PHACTR1: variants seen among roughly 807,000 people sequenced by gnomAD.
PHACTR1 encodes phosphatase and actin regulator 1.
Under a neutral mutation model 69.2 loss-of-function variants are expected in PHACTR1, and 16 were observed. That is an observed-to-expected ratio of 0.23 (90% CI 0.16 to 0.35). The LOEUF is 0.35. PHACTR1 is among the 10% of genes least tolerant of loss of function. PHACTR1 has a pLI of 1.00. For synonymous variants in PHACTR1, 312 were observed against 284.5 expected (o/e 1.10, Z -0.97); for missense variants, 510 against 734.7 (o/e 0.69, Z 3.54).
intron 5 of PHACTR1, among the ~76,000 whole-genome samples, chr6:13,143,572 C>T (rs1178210323): frequency 6.6e-6 from 1 of 152,162 alleles, no homozygotes; most frequent in African/African-American, 2.4e-5. Flanking sequence ...AATGTTTTTA[C>T]ATTTTCAATT....
Position 12,919,169 on chromosome 6 carries a change from G to A in PHACTR1, c.251-134196G>A, listed in dbSNP as rs562427611. ...TTTTATTTTTATTTTTTGAGATGGA[G>A]TCTCACTCTATTGCCCAGGCTGGAG... On this transcript the variant is annotated intron_variant, in intron 4 of 14. Transcript: ENST00000332995. 2.0e-5 allele frequency among the ~76,000 whole-genome samples: 3 copies of A among 152,044 alleles called. No homozygotes were observed. The South Asian group carries it at 6.2e-4, about 32-fold the overall frequency.
rs545698255 is a variant in PHACTR1 at position 13,086,063 on chromosome 6, A to C, written c.415+32534A>C. On this transcript the variant is annotated intron_variant, in intron 5 of 14. Coordinates refer to ENST00000332995, the MANE Select transcript of PHACTR1 (RefSeq NM_030948.6). Reference sequence around the variant, plus strand: ...ATCTAGGCAAAGTAATTGCCTAAAAATAAAGAAGATACACATTTCTAAAAA... The same window carrying C: ...ATCTAGGCAAAGTAATTGCCTAAAACTAAAGAAGATACACATTTCTAAAAA... Among the ~76,000 whole-genome samples the C allele has an allele frequency of 5.0e-4, 75 of 150,234 alleles. 1 individual carries two copies. The highest frequency in any genetic ancestry group is 4.9e-3 in the Admixed American group (74 of 15,056).
intron 5 of PHACTR1, among the ~76,000 whole-genome samples, chr6:13,070,291 A>G (rs1044160855): frequency 1.3e-5 from 2 of 152,032 alleles, no homozygotes; most frequent in African/African-American, 4.8e-5. Flanking sequence ...ACTTTTATTC[A>G]CTAAAAACTT....
rs568921885 is a variant in PHACTR1, at chr6:12,769,379, C to T, written c.250+19589C>T. 2.6e-5 allele frequency among the ~76,000 whole-genome samples: 4 copies of T among 152,166 alleles called. No homozygotes were observed. The East Asian group carries it at 5.8e-4, about 22-fold the overall frequency. ...TTTAAATGTTAAATTAAAACATTTT[C>T]ACCTTCTTTCTCTTTTTGAAAAAGG... On this transcript the variant is annotated intron_variant, in intron 4 of 14. Coordinates refer to ENST00000332995, the MANE Select transcript of PHACTR1 (RefSeq NM_030948.6).
At chr6:13,026,107 A>C (rs1029246794) in intron 4 of PHACTR1, among the ~76,000 whole-genome samples, 1 of 152,228 alleles carries the variant, frequency 6.6e-6, no homozygotes, top group Admixed American at 6.5e-5. Context: ...AAATGGTACA[A>C]ATTTGCTTTG....
chr6:12,958,075 GTTTA>G, intron 4 of PHACTR1: 1 of 944,046 alleles, frequency 1.1e-6, no homozygotes, highest in Non-Finnish European at 1.3e-6. Context: ...ATTGCCTTTT[GTTTA>G]TTTGTTAGAT....
intron 4 of PHACTR1, among the ~76,000 whole-genome samples, chr6:12,845,842 C>T (rs1448213583): frequency 6.6e-6 from 1 of 152,170 alleles, no homozygotes; most frequent in Non-Finnish European, 1.5e-5. Context: ...GTAACTTTGA[C>T]TTCTTTGTTT....
At chr6:12,921,896 T>C (rs944127150) in intron 4 of PHACTR1, among the ~76,000 whole-genome samples, 1 of 151,322 alleles carries the variant, frequency 6.6e-6, no homozygotes, top group African/African-American at 2.4e-5. Flanking sequence ...GTATTGCATC[T>C]CAGTGTTGTC....
intron 4 of PHACTR1, among the ~76,000 whole-genome samples, chr6:12,921,972 C>A (rs940619865): frequency 1.3e-5 from 2 of 152,228 alleles, no homozygotes; most frequent in Admixed American, 6.5e-5. Context: ...TTCTCCACAT[C>A]TGCAAATAAG....
intron 4 of PHACTR1, among the ~76,000 whole-genome samples, chr6:12,810,065 C>A (rs996301095): frequency 1.3e-5 from 2 of 152,150 alleles, no homozygotes; most frequent in African/African-American, 4.8e-5. Context: ...GTTACATTTG[C>A]TTCCCAACAA....
At chr6:13,208,362 C>T (rs953251368) in intron 8 of PHACTR1, among the ~76,000 whole-genome samples, 3 of 152,154 alleles carry the variant, frequency 2.0e-5, no homozygotes, top group Non-Finnish European at 2.9e-5. Context: ...AATTTCATGT[C>T]TGTTGAATCT....
intron 4 of PHACTR1, among the ~76,000 whole-genome samples, chr6:13,032,644 G>T (rs1214685423): frequency 2.0e-5 from 3 of 151,688 alleles, no homozygotes; most frequent in African/African-American, 7.3e-5. Context: ...TTGACATGGG[G>T]TCTAGCTCTG....
intron 4 of PHACTR1, among the ~76,000 whole-genome samples, chr6:12,962,902 C>T (rs1025088491): frequency 6.6e-6 from 1 of 152,152 alleles, no homozygotes; most frequent in African/African-American, 2.4e-5. Flanking sequence ...TTCAGTCAGT[C>T]CCCAGCTCTC....
At chr6:12,893,723 T>C (rs1014662941) in intron 4 of PHACTR1, among the ~76,000 whole-genome samples, 1 of 152,152 alleles carries the variant, frequency 6.6e-6, no homozygotes, top group Non-Finnish European at 1.5e-5. Context: ...TCCTTTTCTC[T>C]TCTTCCAGCA....
At chr6:13,167,252 A>C (rs1296850059) in intron 6 of PHACTR1, among the ~76,000 whole-genome samples, 1 of 152,246 alleles carries the variant, frequency 6.6e-6, no homozygotes, top group African/African-American at 2.4e-5. Flanking sequence ...CTCTACAAAT[A>C]AACATGATGC....
chr6:12,746,494 C>T (rs1217979466), intron 3 of PHACTR1, among the ~76,000 whole-genome samples: 1 of 152,148 alleles, frequency 6.6e-6, no homozygotes, highest in South Asian at 2.1e-4. Flanking sequence ...GTCGAGACTG[C>T]ATCACTGCAC....
At chr6:13,228,157 C>G in intron 9 of PHACTR1, 94 bp downstream of exon 9, 2 of 1,449,392 alleles carry the variant, frequency 1.4e-6, no homozygotes, top group East Asian at 4.9e-5. Flanking sequence ...AGTCTGGGTT[C>G]TAATCCCTGC....
intron 5 of PHACTR1, among the ~76,000 whole-genome samples, chr6:13,141,372 C>T (rs546287782): frequency 6.6e-6 from 1 of 152,294 alleles, no homozygotes; most frequent in African/African-American, 2.4e-5. Flanking sequence ...TCCTAAAGAA[C>T]CTGACTCAAA....
intron 4 of PHACTR1, among the ~76,000 whole-genome samples, chr6:12,966,763 G>A (rs2127575698): frequency 6.6e-6 from 1 of 152,166 alleles, no homozygotes; most frequent in East Asian, 1.9e-4. Flanking sequence ...GTTATATTGT[G>A]CTGTTTAGTA....
Sources: gnomAD v4.1 joint callset for allele counts (sites outside exome capture counted in the v4.1 genomes callset) on GRCh38, gnomAD v4.1.1 for gene constraint, MANE v1.5 for transcripts, NCBI Gene and HGNC (gene_info 2026-07-23, HGNC 2026-07-21) for gene names.